The following UVRAG variants were observed in gnomAD, a reference collection of about 807,000 sequenced individuals.
UVRAG encodes UV radiation resistance-associated gene protein.
In UVRAG, 19 loss-of-function variants were observed where a neutral mutation model predicts 78.0. The observed-to-expected ratio is 0.24, with a 90% confidence interval of 0.17 to 0.36. The LOEUF (loss-of-function observed/expected upper bound fraction) is 0.36, where lower values mean the gene tolerates loss of function less well. Ranked by LOEUF, UVRAG falls within the 10% of genes least tolerant of loss-of-function variation. The pLI, the probability that UVRAG is intolerant of heterozygous loss-of-function variation, is 1.00. For missense variants in UVRAG, 740 were observed against 853.8 expected, an observed-to-expected ratio of 0.87 and a Z score of 1.66; for synonymous variants, 323 against 324.6, an observed-to-expected ratio of 1.00 and a Z score of 0.05.
At chr11:76,001,357 G>A (rs1949811073) in intron 8 of UVRAG, among the ~76,000 whole-genome samples, 1 of 152,096 alleles carries the variant, frequency 6.6e-6, no homozygotes, top group South Asian at 2.1e-4. Flanking sequence ...AGAAAAGAAG[G>A]TCTCCAGTCA....
intron 1 of UVRAG, among the ~76,000 whole-genome samples, chr11:75,841,432 C>T (rs1945906475): frequency 6.6e-6 from 1 of 151,884 alleles, no homozygotes; most frequent in Non-Finnish European, 1.5e-5. Context: ...AGATTTACTC[C>T]CTGATCTACA....
chr11:75,854,577 C>T (rs1946243022), intron 2 of UVRAG, among the ~76,000 whole-genome samples: 1 of 151,974 alleles, frequency 6.6e-6, no homozygotes, highest in African/African-American at 2.4e-5. Flanking sequence ...CCACCACACC[C>T]AGCTAATTTT....
chr11:75,842,366 T>A (rs183529732), intron 1 of UVRAG, among the ~76,000 whole-genome samples: 1 of 152,286 alleles, frequency 6.6e-6, no homozygotes, highest in East Asian at 1.9e-4. Flanking sequence ...AAATTGTGGG[T>A]GTGATTATAC....
intron 6 of UVRAG, among the ~76,000 whole-genome samples, chr11:75,959,351 T>C (rs1023587759): frequency 1.1e-4 from 16 of 152,380 alleles, no homozygotes; most frequent in African/African-American, 3.8e-4. Flanking sequence ...CTAGAGCTAC[T>C]GAGTAACTTA....
chr11:76,115,530 T>C (rs1293815343), intron 13 of UVRAG, among the ~76,000 whole-genome samples: 2 of 152,174 alleles, frequency 1.3e-5, no homozygotes, highest in Non-Finnish European at 2.9e-5. Flanking sequence ...AAAGAAACAC[T>C]GGTTTTCTGG....
At chr11:76,116,819 A>C (rs1256502471) in intron 14 of UVRAG, among the ~76,000 whole-genome samples, 1 of 152,068 alleles carries the variant, frequency 6.6e-6, no homozygotes, top group African/African-American at 2.4e-5. Flanking sequence ...TTGAAATTCT[A>C]CCTCTCTGAA....
chr11:76,032,004 G>GT (rs1402673437), intron 12 of UVRAG, among the ~76,000 whole-genome samples: 1 of 152,040 alleles, frequency 6.6e-6, no homozygotes, highest in Non-Finnish European at 1.5e-5. Flanking sequence ...TTTAATTCTT[G>GT]TATGTTTGAA....
At chr11:76,109,687 C>T (rs1310429431) in intron 13 of UVRAG, among the ~76,000 whole-genome samples, 10 of 152,302 alleles carry the variant, frequency 6.6e-5, no homozygotes, top group South Asian at 2.1e-4. Context: ...ATGAATAGAA[C>T]GTGTGGAGAC....
chr11:75,924,796 A>G (rs1298006586), intron 6 of UVRAG, among the ~76,000 whole-genome samples: 1 of 152,208 alleles, frequency 6.6e-6, no homozygotes, highest in Non-Finnish European at 1.5e-5. Context: ...ATAGGCAATT[A>G]TGCTACTAAG....
chr11:76,045,274 T>G (rs1326271730), intron 12 of UVRAG, among the ~76,000 whole-genome samples: 1 of 152,232 alleles, frequency 6.6e-6, no homozygotes, highest in African/African-American at 2.4e-5. Context: ...TACAGCTTCT[T>G]AGAGTTGTAC....
intron 14 of UVRAG, among the ~76,000 whole-genome samples, chr11:76,133,046 T>C (rs983325072): frequency 3.9e-5 from 6 of 152,206 alleles, no homozygotes; most frequent in African/African-American, 1.2e-4. Flanking sequence ...AGGATGATGT[T>C]TGTAATACTT....
At position 76,010,402 on chromosome 11, in the gene UVRAG, G is replaced by A. The variant is rs78173815; in HGVS notation, c.1060+1535G>A. Among the ~76,000 whole-genome samples, 160 of 152,264 alleles carry A rather than the reference G, an allele frequency of 1.1e-3. 1 individual carries two copies. In the East Asian group the frequency reaches 0.026, roughly 25 times the overall value. Reference sequence around the variant, plus strand: ...AAGGAATATGCTATCCCAGAGAATGGAAGAAACTGCTTTAGATAAAGCAGT... The same window carrying A: ...AAGGAATATGCTATCCCAGAGAATGAAAGAAACTGCTTTAGATAAAGCAGT... On this transcript the variant is annotated intron_variant, in intron 11 of 14. Transcript: ENST00000356136.
intron 13 of UVRAG, among the ~76,000 whole-genome samples, chr11:76,108,628 G>T (rs914655092): frequency 2.0e-4 from 31 of 152,238 alleles, no homozygotes; most frequent in African/African-American, 7.2e-4. Flanking sequence ...ACAAAAAGGG[G>T]GTATAGGAGA....
chr11:75,892,402 T>G (rs1415343485), intron 5 of UVRAG: 1 of 985,406 alleles, frequency 1.0e-6, no homozygotes. Context: ...GAGTAAGTGT[T>G]TCCCTCTAAC....
intron 1 of UVRAG, among the ~76,000 whole-genome samples, chr11:75,818,051 CTCTA>C (rs1945299172): frequency 6.7e-6 from 1 of 150,042 alleles, no homozygotes. Context: ...CAGAGTGAGA[CTCTA>C]TCTAAAAACA....
chr11:76,129,100 C>T (rs1952468900), intron 14 of UVRAG, among the ~76,000 whole-genome samples: 1 of 152,186 alleles, frequency 6.6e-6, no homozygotes, highest in Non-Finnish European at 1.5e-5. Flanking sequence ...CTACTAACCT[C>T]TCCCATCTTA....
intron 2 of UVRAG, among the ~76,000 whole-genome samples, chr11:75,855,623 G>C (rs1590938017): frequency 6.6e-6 from 1 of 152,256 alleles, no homozygotes; most frequent in East Asian, 1.9e-4. Context: ...TTTGGTCCTT[G>C]GTATAGAACA....
chr11:75,929,824 A>T (rs552107197), intron 6 of UVRAG, among the ~76,000 whole-genome samples: 1 of 152,270 alleles, frequency 6.6e-6, no homozygotes, highest in South Asian at 2.1e-4. Flanking sequence ...AAGGAACAGA[A>T]GATAACACCT....
At chr11:76,125,752 A>G (rs190848042) in intron 14 of UVRAG, among the ~76,000 whole-genome samples, 1 of 152,296 alleles carries the variant, frequency 6.6e-6, no homozygotes, top group African/African-American at 2.4e-5. Flanking sequence ...TATGGGCTCA[A>G]TGAATAAAAT....
Sources: allele counts gnomAD v4.1 joint callset (sites outside exome capture counted in the v4.1 genomes callset), GRCh38; gene constraint gnomAD v4.1.1; transcripts MANE v1.5; gene names NCBI Gene and HGNC (gene_info 2026-07-23, HGNC 2026-07-21).